RP1: variants seen among roughly 807,000 people sequenced by gnomAD.
RP1 encodes the protein RP1 axonemal microtubule associated.
In RP1, 16 loss-of-function variants were observed where a neutral mutation model predicts 14.8. The observed-to-expected ratio is 1.08, with a 90% CI of 0.73 to 1.65. The LOEUF (loss-of-function observed/expected upper bound fraction) is 1.65. RP1 is among the 40% of genes most tolerant of loss of function. The pLI is 0.00. For missense variants in RP1, 2,631 were observed against 2,535.0 expected (o/e 1.04, Z -0.81); for synonymous variants, 876 against 883.6 (o/e 0.99, Z 0.15).
Position 54,626,983 on chromosome 8 carries a change from A to T in RP1, c.3101A>T (p.His1034Leu), listed in dbSNP as rs148296108. ...TTGTCACAGTCAGCTATTAATGATC[A>T]TAATACTAAAAGTCATATAGCTGCT... Reference protein sequence around the residue: ...CTLSQSAINDHNTKSHIAAEK... With the variant: ...CTLSQSAINDLNTKSHIAAEK... Residue 1034 changes from histidine to leucine, a missense_variant, in exon 4 of 4, where the codon CAT becomes CTT. Physicochemically the swap from His to Leu is moderately conservative, Grantham distance 99 (BLOSUM62 -3). Transcript: ENST00000220676. 377 of 1,614,050 alleles carry T rather than the reference A, an allele frequency of 2.3e-4. No individual in the cohort carries two copies. The highest frequency in any genetic ancestry group is 2.9e-4 in the Non-Finnish European group (346 of 1,179,984).
At position 54,627,525 on chromosome 8, in the gene RP1, G is replaced by A. The variant is rs1435074706; in HGVS notation, c.3643G>A (p.Val1215Ile). 6.8e-6 allele frequency: 11 copies of A among 1,614,146 alleles called. No individual in the cohort carries two copies. Among genetic ancestry groups the A allele is most frequent in the Non-Finnish European group, 9.3e-6 (11 of 1,179,972 alleles). ...AGATCTTTCTGCAAATTGTTCCACG[G>A]TCAACATTCAGAGTGTTCCTAAGTG... ...PIDLSANCSTVNIQSVPKCSE... is the reference protein window; with the variant it reads ...PIDLSANCSTINIQSVPKCSE... The change falls in exon 4 of 4, where the codon GTC (valine) becomes ATC (isoleucine). Residue 1215 changes from valine to isoleucine, a missense_variant. Transcript: ENST00000220676.
intron 26 of RP1, among the ~76,000 whole-genome samples, chr8:54,855,732 A>T (rs1290589274): frequency 6.6e-6 from 1 of 152,172 alleles, no homozygotes; most frequent in Non-Finnish European, 1.5e-5. Flanking sequence ...ACCAATAAAC[A>T]TAAAAAGCCT....
At chr8:54,599,086 T>C (rs1248434996) in intron 1 of RP1, among the ~76,000 whole-genome samples, 1 of 152,224 alleles carries the variant, frequency 6.6e-6, no homozygotes, top group East Asian at 1.9e-4. Context: ...CCTTCTGAGA[T>C]CTTTTGTTAT....
chr8:54,770,255 G>T (rs1465011284), downstream of RP1: 1 of 398,062 alleles, frequency 2.5e-6, no homozygotes, highest in South Asian at 1.3e-4. Flanking sequence ...ATTTTTTATA[G>T]TACATTCTTA....
chr8:54,772,783 G>C (rs534057561), downstream of RP1, among the ~76,000 whole-genome samples: 5 of 152,170 alleles, frequency 3.3e-5, no homozygotes, highest in South Asian at 8.3e-4. Context: ...ACTGCCCCCA[G>C]TCACTAAAAA....
intron 7 of RP1, among the ~76,000 whole-genome samples, chr8:54,664,677 A>G (rs778448226): frequency 8.5e-5 from 13 of 152,208 alleles, no homozygotes; most frequent in Non-Finnish European, 1.8e-4. Context: ...GGCCACTTGT[A>G]TATAATCTTT....
At chr8:54,837,835 G>A (rs1811699319) in intron 25 of RP1, among the ~76,000 whole-genome samples, 1 of 152,196 alleles carries the variant, frequency 6.6e-6, no homozygotes, top group Non-Finnish European at 1.5e-5. Context: ...CCAGTGTAGT[G>A]ACGTGGCAGA....
At position 54,629,009 on chromosome 8, in the gene RP1, G is replaced by A. The variant is rs1237975455; in HGVS notation, c.5127G>A (p.Val1709=). 1 of 1,614,096 alleles carries A rather than the reference G, an allele frequency of 6.2e-7. No individual in the cohort carries two copies. The highest frequency in any genetic ancestry group is 8.5e-7 in the Non-Finnish European group (1 of 1,179,976). The part of the protein sequence containing the change: ...ERQDKCDVSA[V]RDNYCRGDIV... ...AAGATAAGTGTGATGTTAGTGCTGT[G>A]AGGGACAATTATTGTAGGGGTGACA... Residue 1709 remains valine, a synonymous_variant, in exon 4 of 4, where the codon GTG becomes GTA. Transcript: ENST00000220676.
At chr8:54,652,474 G>A (rs545947924) in intron 4 of RP1, among the ~76,000 whole-genome samples, 1 of 152,032 alleles carries the variant, frequency 6.6e-6, no homozygotes, top group South Asian at 2.1e-4. Context: ...TAGATGTTAG[G>A]TCTAGGTGGT....
intron 1 of RP1, among the ~76,000 whole-genome samples, chr8:54,559,513 C>T (rs1218734045): frequency 6.6e-6 from 1 of 152,114 alleles, no homozygotes; most frequent in Non-Finnish European, 1.5e-5. Flanking sequence ...AGCTAAATAA[C>T]TGTGTCTTGG....
chr8:54,571,068 C>G (rs1586389977), intron 1 of RP1, among the ~76,000 whole-genome samples: 1 of 152,206 alleles, frequency 6.6e-6, no homozygotes, highest in Non-Finnish European at 1.5e-5. Flanking sequence ...ACATTCTCCC[C>G]CTTCTGCCTG....
At chr8:54,735,681 A>G (rs979519414) in intron 18 of RP1, among the ~76,000 whole-genome samples, 1 of 152,226 alleles carries the variant, frequency 6.6e-6, no homozygotes, top group East Asian at 1.9e-4. Flanking sequence ...AGTTGTCTGC[A>G]GTTGTGGAGG....
At chr8:54,739,892 A>G (rs1370356780) in intron 19 of RP1, among the ~76,000 whole-genome samples, 1 of 152,060 alleles carries the variant, frequency 6.6e-6, no homozygotes, top group Non-Finnish European at 1.5e-5. Flanking sequence ...GTAATGTCCT[A>G]TTGTAATGAA....
intron 15 of RP1, among the ~76,000 whole-genome samples, chr8:54,708,815 T>C (rs1808224986): frequency 6.6e-6 from 1 of 152,140 alleles, no homozygotes; most frequent in Non-Finnish European, 1.5e-5. Context: ...CTACACTTAA[T>C]ATTCATGCTT....
intron 24 of RP1, among the ~76,000 whole-genome samples, chr8:54,816,835 G>C (rs1000943140): frequency 6.6e-6 from 1 of 152,048 alleles, no homozygotes; most frequent in Non-Finnish European, 1.5e-5. Context: ...CTTCCCCCAG[G>C]TCCCAACAGC....
intron 24 of RP1, among the ~76,000 whole-genome samples, chr8:54,835,676 G>A (rs1266869910): frequency 6.6e-6 from 1 of 152,034 alleles, no homozygotes; most frequent in African/African-American, 2.4e-5. Flanking sequence ...TTCAGATGGG[G>A]GCACTGAAGC....
chr8:54,656,089 C>T, exon 6 of RP1: 4 of 1,527,186 alleles, frequency 2.6e-6, no homozygotes, highest in Non-Finnish European at 3.5e-6. Context: ...ATAGATACAG[C>T]TGCATAATAT....
chr8:54,663,685 TC>T, intron 6 of RP1: 1 of 1,507,914 alleles, frequency 6.6e-7, no homozygotes. Context: ...AAGTTTTTTT[TC>T]TTATGTTGTC....
intron 25 of RP1, among the ~76,000 whole-genome samples, chr8:54,851,732 C>T (rs958098217): frequency 3.9e-5 from 6 of 152,130 alleles, no homozygotes; most frequent in African/African-American, 1.4e-4. Flanking sequence ...CCCAATATAC[C>T]ACATTTGTCT....
Sources: allele counts gnomAD v4.1 joint callset (sites outside exome capture counted in the v4.1 genomes callset), GRCh38; gene constraint gnomAD v4.1.1; transcripts MANE v1.5; gene names NCBI Gene and HGNC (gene_info 2026-07-23, HGNC 2026-07-21).